ERN2: variants seen among roughly 807,000 people sequenced by gnomAD.
The protein encoded by ERN2 is serine/threonine-protein kinase/endoribonuclease IRE2.
In ERN2, 111 loss-of-function variants were observed where a neutral mutation model predicts 107.9. The ratio of observed to expected loss-of-function variants is 1.03; its 90% CI spans 0.88 to 1.20. The LOEUF is 1.20. Among genes scored for constraint, ERN2 ranks in the 50% most tolerant of loss-of-function variants. The pLI is 0.00. For missense variants in ERN2, 1,225 were observed against 1,197.9 expected, an observed-to-expected ratio of 1.02 and a Z score of -0.33; for synonymous variants, 524 against 501.7, an observed-to-expected ratio of 1.04 and a Z score of -0.59.
At chr16:23,695,163 T>C (rs1485194009) in intron 15 of ERN2, 37 bp downstream of exon 15, 1 of 1,613,642 alleles carries the variant, frequency 6.2e-7, no homozygotes, top group South Asian at 1.1e-5. Context: ...AGCCCGGACC[T>C]TCCCACTCAC....
Position 23,695,360 on chromosome 16 carries a change from A to G in ERN2, c.1640T>C (p.Val547Ala). The G allele has an allele frequency of 6.2e-7, 1 of 1,604,918 alleles. No homozygotes were observed. Among genetic ancestry groups the G allele is most frequent in the Non-Finnish European group, 8.5e-7 (1 of 1,175,998 alleles). Residue 547 changes from valine (V) to alanine (A), a missense_variant, in exon 15 of 22, where the codon GTC becomes GCC. Coordinates refer to ENST00000256797, the MANE Select transcript of ERN2 (RefSeq NM_033266.4). ...RGQFEGRAVA[V>A]KRLLRECFGL... ...AAAGCACTCGCGGAGGAGCCGCTTG[A>G]CAGCCACTGCCCGTCCCTCAAACTG...
Position 23,691,193 on chromosome 16 carries a change from A to C in ERN2, c.2504T>G (p.Leu835Arg). The C allele has an allele frequency of 6.2e-7, 1 of 1,613,942 alleles. No homozygotes were observed. The highest frequency in any genetic ancestry group is 8.5e-7 in the Non-Finnish European group (1 of 1,179,972). Residue 835 changes from leucine to arginine, a missense_variant, in exon 21 of 22, where the codon CTG (leucine) becomes CGG (arginine). Physicochemically the swap from Leu to Arg is moderately radical, Grantham distance 102 (BLOSUM62 -2). Coordinates refer to ENST00000256797, the MANE Select transcript of ERN2 (RefSeq NM_033266.4). ...CCCCTTATAGGACCGGAACTTTCTC[A>C]GATCTGTGGACAGGGAATTCAGTGG... ...EHISMPLQTD[L>R]RKFRSYKGTS...
intron 1 of ERN2, 74 bp downstream of exon 1, chr16:23,713,021 G>T: frequency 1.7e-6 from 2 of 1,203,186 alleles, no homozygotes; most frequent in Non-Finnish European, 2.2e-6. Context: ...CCGCGCCCTC[G>T]CCCCAAGTGC....
intron 1 of ERN2, chr16:23,712,875 A>G: frequency 1.9e-6 from 1 of 524,132 alleles, no homozygotes; most frequent in Non-Finnish European, 3.3e-6. Flanking sequence ...TTGCCTTTCC[A>G]CGCTGGCAGA....
chr16:23,710,617 T>G (rs1960502627), intron 2 of ERN2, 68 bp from the exon 3 acceptor site: 3 of 1,511,726 alleles, frequency 2.0e-6, no homozygotes, highest in Non-Finnish European at 2.8e-6. Flanking sequence ...CAGCTCATAT[T>G]CACTGAGCTA....
chr16:23,692,431 C>T, intron 17 of ERN2, 100 bp from the exon 18 acceptor site: 3 of 1,327,890 alleles, frequency 2.3e-6, no homozygotes, highest in African/African-American at 1.4e-5. Context: ...AGGGGTTTGG[C>T]TCAGACTGGA....
At chr16:23,704,731 C>A in intron 8 of ERN2, 152 bp downstream of exon 8, 1 of 908,200 alleles carries the variant, frequency 1.1e-6, no homozygotes, top group South Asian at 1.6e-5. Flanking sequence ...GGTTATTTAC[C>A]AACCAGTTGG....
Position 23,713,094 on chromosome 16 carries a change from C to A in ERN2, c.93+1G>T. 1 of 1,573,768 alleles carries A rather than the reference C, an allele frequency of 6.4e-7. No homozygotes were observed. The highest frequency in any genetic ancestry group is 8.6e-7 in the Non-Finnish European group (1 of 1,166,054). ...ACTTGGCGTCGGTCCCTGGCTCTCA[C>A]CTGTGGACTCAGCGTCCCGAGCAGC... On this transcript the variant is annotated splice_donor_variant, in intron 1 of 21. Transcript: ENST00000256797. LOFTEE classifies it high-confidence loss of function.
rs775071119 is a variant in ERN2, at chr16:23,710,201, A to G, written c.277T>C (p.Leu93=). 6.2e-7 allele frequency: 1 copy of G among 1,614,018 alleles called. No individual in the cohort carries two copies. The highest frequency in any genetic ancestry group is 8.5e-7 in the Non-Finnish European group (1 of 1,179,902). The part of the protein sequence containing the change: ...SDPADGSLYI[L]GTQKQQGLMK... ...AATCCCTGTTGTTTTTGGGTCCCCA[A>G]GATGTACAGGCTGCCATCTGCTGGG... The change falls in exon 4 of 22, where the codon TTG becomes CTG. Residue 93 remains leucine (L), a synonymous_variant. Transcript: ENST00000256797.
At chr16:23,697,375 G>A (rs1162268045) in intron 13 of ERN2, 2 of 152,134 alleles carry the variant, frequency 1.3e-5, no homozygotes, top group Non-Finnish European at 2.9e-5. Context: ...GGGCCTTGCT[G>A]GAAGTACATC....
rs762307632 is a variant in ERN2, at chr16:23,690,890, G to T, written c.2722C>A (p.Pro908Thr). The T allele has an allele frequency of 1.9e-5, 30 of 1,613,908 alleles. No individual in the cohort carries two copies. Among genetic ancestry groups the T allele is most frequent in the Non-Finnish European group, 8.5e-6 (10 of 1,180,052 alleles). ...GCCTCTGAGTCTGGCGGGTAGTAGG[G>T]CAGGAAGAGGCTCTCAGAGGCGCAG... ...RSCASESLFL[P>T]YYPPDSEARR... The change falls in exon 22 of 22, where the codon CCC (proline) becomes ACC (threonine). Residue 908 changes from proline (P) to threonine (T), a missense_variant. Physicochemically the swap from Pro to Thr is conservative, Grantham distance 38. Coordinates refer to ENST00000256797, the MANE Select transcript of ERN2 (RefSeq NM_033266.4).
chr16:23,708,373 T>C (rs1960408557), intron 4 of ERN2, among the ~76,000 whole-genome samples: 2 of 112,208 alleles, frequency 1.8e-5, no homozygotes, highest in African/African-American at 6.8e-5. Flanking sequence ...TTTTTTTTTT[T>C]GGAGACATGG....
rs144279415 is a variant in ERN2 at position 23,691,422 on chromosome 16, C to T, written c.2380G>A (p.Val794Ile). 59 of 1,598,770 alleles carry T rather than the reference C, an allele frequency of 3.7e-5. No homozygotes were observed. The African/African-American group carries it at 4.8e-4, about 13-fold the overall frequency. The part of the protein sequence containing the change: ...RAKQLQFFQD[V>I]SDWLEKESEQ... ...GACTCCTTCTCCAGCCAGTCACTGACGTCCTGGGGCCCAGAGAGCTCCTGA... is the reference window on the plus strand; with the variant it reads ...GACTCCTTCTCCAGCCAGTCACTGATGTCCTGGGGCCCAGAGAGCTCCTGA... Residue 794 changes from valine to isoleucine, a missense_variant, in exon 20 of 22, where the codon GTC becomes ATC. Coordinates refer to ENST00000256797, the MANE Select transcript of ERN2 (RefSeq NM_033266.4).
rs767205766 is a variant in ERN2, at chr16:23,702,214, C to T, written c.1141G>A (p.Gly381Arg). 24 of 1,614,028 alleles carry T rather than the reference C, an allele frequency of 1.5e-5. No homozygotes were observed. The highest frequency in any genetic ancestry group is 1.9e-5 in the Non-Finnish European group (22 of 1,180,020). The change falls in exon 11 of 22, where the codon GGG becomes AGG. Residue 381 changes from glycine to arginine, a missense_variant. Gly to Arg is a moderately radical substitution (Grantham distance 125). Transcript: ENST00000256797. ...GGTCTTGTCTCTGCAGTTCCACTCC[C>T]CAGGGTGGGATGGACCCTCAGCATG... ...TTMLRVHPTL[G>R]SGTAETRPPE...
rs1442722511 is a variant in ERN2, at chr16:23,695,325, G to A, written c.1675C>T (p.Arg559Trp). ...TCCTGCAGCAGTTGAACTTCCCGCC[G>A]AACCAGGCCAAAGCACTCGCGGAGG... ...RLLRECFGLV[R>W]REVQLLQESD... Residue 559 changes from arginine to tryptophan, a missense_variant, in exon 15 of 22, where the codon CGG (arginine) becomes TGG (tryptophan). Transcript: ENST00000256797. 1 of 1,612,974 alleles carries A rather than the reference G, an allele frequency of 6.2e-7. No individual in the cohort carries two copies. The highest frequency in any genetic ancestry group is 1.3e-5 in the African/African-American group (1 of 75,028).
rs542215524 is a variant in ERN2 at position 23,696,510 on chromosome 16, T to C, written c.1526-532A>G. Reference sequence around the variant, plus strand: ...GTTGGAAGAGTGATGAGAGTGAGTATAGCCACAGAAAAAAGACTGGACCGG... The same window carrying C: ...GTTGGAAGAGTGATGAGAGTGAGTACAGCCACAGAAAAAAGACTGGACCGG... On this transcript the variant is annotated intron_variant, in intron 13 of 21. Transcript: ENST00000256797. Among the ~76,000 whole-genome samples, 3 of 152,298 alleles carry C rather than the reference T, an allele frequency of 2.0e-5. No homozygotes were observed. In the East Asian group the frequency reaches 5.8e-4, roughly 29 times the overall value.
At chr16:23,699,076 G>T (rs1240242954) in intron 13 of ERN2, among the ~76,000 whole-genome samples, 2 of 152,146 alleles carry the variant, frequency 1.3e-5, no homozygotes, top group South Asian at 2.1e-4. Flanking sequence ...GGGTACAGTG[G>T]GGTGAGTATT....
At chr16:23,699,354 C>G (rs1959956103) in intron 13 of ERN2, among the ~76,000 whole-genome samples, 1 of 152,142 alleles carries the variant, frequency 6.6e-6, no homozygotes, top group African/African-American at 2.4e-5. Context: ...TAGAAGGTGC[C>G]AGCACAAGTT....
At chr16:23,712,076 C>A in intron 1 of ERN2, 1 of 452,686 alleles carries the variant, frequency 2.2e-6, no homozygotes, top group Non-Finnish European at 4.4e-6. Context: ...CCCAGCCGCA[C>A]CCCTACAAAG....
Sources: allele counts gnomAD v4.1 joint callset (sites outside exome capture counted in the v4.1 genomes callset), GRCh38; gene constraint gnomAD v4.1.1; transcripts MANE v1.5; gene names NCBI Gene and HGNC (gene_info 2026-07-23, HGNC 2026-07-21).